FAM227A: variants seen among roughly 807,000 people sequenced by gnomAD.
The protein encoded by FAM227A is family with sequence similarity 227 member A.
A neutral mutation model predicts 74.7 loss-of-function variants in FAM227A; 80 were observed. That is an observed-to-expected ratio of 1.07 (90% CI 0.89 to 1.29). The LOEUF (loss-of-function observed/expected upper bound fraction) is 1.29, where lower values mean the gene tolerates loss of function less well. FAM227A is among the 50% of genes most tolerant of loss of function. The probability of loss-of-function intolerance (pLI) is 0.00; values close to 1 mark genes in which losing one functional copy is unlikely to be tolerated. For missense variants in FAM227A, 654 were observed against 683.4 expected, an observed-to-expected ratio of 0.96 and a Z score of 0.48; for synonymous variants, 237 against 241.8, an observed-to-expected ratio of 0.98 and a Z score of 0.19.
intron 2 of FAM227A, among the ~76,000 whole-genome samples, chr22:38,648,421 A>G (rs905104380): frequency 1.3e-5 from 2 of 151,394 alleles, no homozygotes; most frequent in Non-Finnish European, 2.9e-5. Context: ...CAACCTGACC[A>G]ACATGGAGAA....
intron 12 of FAM227A, among the ~76,000 whole-genome samples, chr22:38,605,616 A>G (rs1404507092): frequency 6.6e-6 from 1 of 152,216 alleles, no homozygotes; most frequent in Non-Finnish European, 1.5e-5. Flanking sequence ...GGAAGTCTCT[A>G]GCCTTAAATA....
At chr22:38,594,959 G>C (rs1003523712) in intron 15 of FAM227A, among the ~76,000 whole-genome samples, 1 of 152,078 alleles carries the variant, frequency 6.6e-6, no homozygotes, top group Non-Finnish European at 1.5e-5. Context: ...TTAGCCAGGC[G>C]TGGTGGCATG....
chr22:38,600,308 G>T (rs558167844), intron 13 of FAM227A, among the ~76,000 whole-genome samples: 1 of 142,882 alleles, frequency 7.0e-6, no homozygotes, highest in African/African-American at 2.7e-5. Context: ...GTGTGTATGT[G>T]TATGTATGTA....
chr22:38,608,621 G>C (rs796864553), intron 11 of FAM227A, among the ~76,000 whole-genome samples: 9 of 150,886 alleles, frequency 6.0e-5, no homozygotes, highest in African/African-American at 2.2e-4. Context: ...ATTAGAGATG[G>C]GGTTTCACCA....
intron 1 of FAM227A, among the ~76,000 whole-genome samples, chr22:38,654,127 T>C (rs2092357793): frequency 6.6e-6 from 1 of 151,972 alleles, no homozygotes; most frequent in Non-Finnish European, 1.5e-5. Flanking sequence ...GGCAGGCGGA[T>C]GACGAGGTCA....
At chr22:38,610,268 T>C (rs1036303126) in intron 11 of FAM227A, among the ~76,000 whole-genome samples, 6 of 152,078 alleles carry the variant, frequency 3.9e-5, no homozygotes, top group African/African-American at 1.4e-4. Flanking sequence ...CAAGCCATCC[T>C]CCCACGTTAG....
chr22:38,613,328 TATATA>T (rs1415698136), intron 11 of FAM227A, among the ~76,000 whole-genome samples: 1 of 67,100 alleles, frequency 1.5e-5, no homozygotes, highest in Non-Finnish European at 2.7e-5. Context: ...ATATATATCA[TATATA>T]ATATATAACA....
At chr22:38,645,476 A>G (rs866361380) in intron 3 of FAM227A, 87 bp downstream of exon 3, 5 of 735,862 alleles carry the variant, frequency 6.8e-6, no homozygotes, top group Non-Finnish European at 1.1e-5. Flanking sequence ...ATAAATGGAG[A>G]GGCCCCAGGG....
intron 1 of FAM227A, among the ~76,000 whole-genome samples, chr22:38,650,665 C>G (rs2092310132): frequency 6.6e-6 from 1 of 152,160 alleles, no homozygotes; most frequent in African/African-American, 2.4e-5. Context: ...AAGGCTCTCT[C>G]CAGCTTTCCG....
chr22:38,612,045 G>A (rs894978393), intron 11 of FAM227A, among the ~76,000 whole-genome samples: 1 of 152,038 alleles, frequency 6.6e-6, no homozygotes, highest in African/African-American at 2.4e-5. Context: ...CAACCCACTA[G>A]CAAGTGTTGA....
At chr22:38,613,290 ATAT>A (rs2091483430) in intron 11 of FAM227A, among the ~76,000 whole-genome samples, 1 of 86,372 alleles carries the variant, frequency 1.2e-5, no homozygotes, top group African/African-American at 4.9e-5. Flanking sequence ...CATATATAAT[ATAT>A]ATCATATATA....
intron 3 of FAM227A, among the ~76,000 whole-genome samples, chr22:38,641,234 C>T (rs2092107571): frequency 6.6e-6 from 1 of 152,128 alleles, no homozygotes; most frequent in African/African-American, 2.4e-5. Context: ...GGCCTACAAG[C>T]AGGGCTGTTC....
At chr22:38,652,423 TAAAAAATACA>T (rs2092335718) in intron 1 of FAM227A, among the ~76,000 whole-genome samples, 1 of 147,746 alleles carries the variant, frequency 6.8e-6, no homozygotes, top group African/African-American at 2.5e-5. Context: ...CCGTTTCTAC[TAAAAAATACA>T]AAAAATTAGC....
intron 13 of FAM227A, among the ~76,000 whole-genome samples, chr22:38,601,367 G>A (rs1199690746): frequency 6.6e-6 from 1 of 151,276 alleles, no homozygotes; most frequent in African/African-American, 2.4e-5. Flanking sequence ...TGGCTAAGAG[G>A]ACAGCAGGTG....
At chr22:38,606,342 T>A (rs534407116) in intron 12 of FAM227A, among the ~76,000 whole-genome samples, 1 of 151,996 alleles carries the variant, frequency 6.6e-6, no homozygotes, top group African/African-American at 2.4e-5. Flanking sequence ...AATTTAAAAA[T>A]TTTTTTTGTA....
At chr22:38,637,371 GTTAT>G (rs1338466460) in intron 5 of FAM227A, among the ~76,000 whole-genome samples, 2 of 152,070 alleles carry the variant, frequency 1.3e-5, no homozygotes, top group Non-Finnish European at 2.9e-5. Flanking sequence ...TCCCTTTGGG[GTTAT>G]TTAGTGTGAA....
intron 6 of FAM227A, among the ~76,000 whole-genome samples, chr22:38,634,867 G>A (rs1292402700): frequency 6.6e-6 from 1 of 152,152 alleles, no homozygotes; most frequent in African/African-American, 2.4e-5. Flanking sequence ...GGCCCAAACA[G>A]ATCATCTCTC....
intron 13 of FAM227A, 138 bp from the exon 14 acceptor site, chr22:38,600,059 C>A: frequency 6.4e-6 from 5 of 776,990 alleles, no homozygotes; most frequent in African/African-American, 3.5e-5. Context: ...GAAAATTACT[C>A]AAAATAAAGC....
intron 15 of FAM227A, among the ~76,000 whole-genome samples, chr22:38,595,397 GA>G (rs1198033430): frequency 2.0e-5 from 3 of 152,186 alleles, no homozygotes; most frequent in Non-Finnish European, 2.9e-5. Context: ...GGGCATGAAG[GA>G]AAGACATGAG....
Sources: allele counts gnomAD v4.1 joint callset (sites outside exome capture counted in the v4.1 genomes callset), GRCh38; gene constraint gnomAD v4.1.1; transcripts MANE v1.5; gene names NCBI Gene and HGNC (gene_info 2026-07-23, HGNC 2026-07-21).